The following RUNX2 variants were observed in gnomAD, a reference collection of about 807,000 sequenced individuals.
RUNX2 encodes the protein runt-related transcription factor 2.
In RUNX2, 10 loss-of-function variants were observed where a neutral mutation model predicts 51.7. The observed-to-expected ratio is 0.19, with a 90% CI of 0.12 to 0.33. The LOEUF is 0.33. Among genes scored for constraint, RUNX2 ranks in the 10% least tolerant of loss-of-function variants. RUNX2 has a pLI of 1.00. For missense variants in RUNX2, 562 were observed against 691.3 expected (o/e 0.81, Z 2.10); for synonymous variants, 276 against 273.6 (o/e 1.01, Z -0.09).
rs1802429642 is a variant in RUNX2 at position 45,547,214 on chromosome 6, A to G, written c.1475A>G (p.Asp492Gly). The G allele has an allele frequency of 4.3e-6, 7 of 1,614,174 alleles. No homozygotes were observed. Among genetic ancestry groups the G allele is most frequent in the Non-Finnish European group, 5.9e-6 (7 of 1,180,022 alleles). Residue 492 changes from aspartate to glycine, a missense_variant, in exon 9 of 9, where the codon GAT (aspartate) becomes GGT (glycine). By Grantham distance (94) the Asp-to-Gly change is moderately conservative (BLOSUM62 -1). This residue lies in a region of RUNX2 where 304 missense variants were observed against 353.2 expected (regional missense o/e 0.86). Transcript: ENST00000647337. ...LLNPNLPNQN[D>G]GVDADGSHSS... is the part of the protein sequence containing the mutation. Reference sequence around the variant, plus strand: ...AATCCAAATTTGCCTAACCAGAATGATGGTGTTGACGCTGATGGAAGCCAC... The same window carrying G: ...AATCCAAATTTGCCTAACCAGAATGGTGGTGTTGACGCTGATGGAAGCCAC...
intron 2 of RUNX2, among the ~76,000 whole-genome samples, chr6:45,346,872 A>T (rs1392994586): frequency 1.3e-5 from 2 of 152,174 alleles, no homozygotes; most frequent in Non-Finnish European, 2.9e-5. Context: ...GCCTCAATAA[A>T]CATTTCTTAA....
intron 2 of RUNX2, among the ~76,000 whole-genome samples, chr6:45,402,791 G>T (rs1797741649): frequency 1.3e-5 from 2 of 152,114 alleles, no homozygotes; most frequent in African/African-American, 4.8e-5. Flanking sequence ...AGGATTGTTT[G>T]AACCTGAGAA....
intron 6 of RUNX2, among the ~76,000 whole-genome samples, chr6:45,508,668 G>A (rs540529309): frequency 6.6e-6 from 1 of 152,246 alleles, no homozygotes; most frequent in South Asian, 2.1e-4. Flanking sequence ...ACTTGTTTAG[G>A]GATCTTGAGA....
chr6:45,417,503 C>T (rs796597394), intron 2 of RUNX2, among the ~76,000 whole-genome samples: 6 of 152,318 alleles, frequency 3.9e-5, no homozygotes, highest in Non-Finnish European at 5.9e-5. Flanking sequence ...TTAAATGTTA[C>T]GTTGTTCACT....
intron 2 of RUNX2, among the ~76,000 whole-genome samples, chr6:45,376,581 A>AGCCT (rs1796806751): frequency 6.6e-6 from 1 of 152,246 alleles, no homozygotes; most frequent in Non-Finnish European, 1.5e-5. Context: ...TGCTAGTGAA[A>AGCCT]AGTGCAGCCC....
chr6:45,546,141 C>CA lies in RUNX2; in HGVS notation c.1088-684dup, dbSNP rs1802392326. ...TTGAAATCAATGATTCCTAAGGTAC[C>CA]AAGCCCCCTTGTGCCTCCTAACTCC... is the stretch of plus-strand genomic sequence containing the variant. On this transcript the variant is annotated intron_variant, in intron 8 of 8. Coordinates refer to ENST00000647337, the MANE Select transcript of RUNX2 (RefSeq NM_001024630.4). Among the ~76,000 whole-genome samples, 3 of 152,062 alleles carry CA rather than the reference C, an allele frequency of 2.0e-5. No homozygotes were observed. The South Asian group carries it at 6.2e-4, about 32-fold the overall frequency.
At chr6:45,405,955 A>G (rs1797825332) in intron 2 of RUNX2, among the ~76,000 whole-genome samples, 1 of 152,186 alleles carries the variant, frequency 6.6e-6, no homozygotes, top group Non-Finnish European at 1.5e-5. Flanking sequence ...TAGGGATATT[A>G]TATTACCTAT....
intron 2 of RUNX2, among the ~76,000 whole-genome samples, chr6:45,374,586 G>A (rs951628630): frequency 2.6e-5 from 4 of 152,182 alleles, no homozygotes; most frequent in African/African-American, 9.7e-5. Context: ...TAAGTAAACT[G>A]TAAGCAAAAC....
At chr6:45,505,570 G>A (rs1427663615) in intron 6 of RUNX2, among the ~76,000 whole-genome samples, 1 of 151,948 alleles carries the variant, frequency 6.6e-6, no homozygotes, top group Non-Finnish European at 1.5e-5. Flanking sequence ...CAGAAGCTGT[G>A]GTCCTGCTCA....
At chr6:45,334,629 C>T (rs936383383) in intron 2 of RUNX2, among the ~76,000 whole-genome samples, 12 of 151,002 alleles carry the variant, frequency 7.9e-5, no homozygotes, top group African/African-American at 2.9e-4. Flanking sequence ...AAATACGTGT[C>T]ATATATGTTC....
At chr6:45,408,626 G>C (rs545052665) in intron 2 of RUNX2, among the ~76,000 whole-genome samples, 2 of 152,078 alleles carry the variant, frequency 1.3e-5, no homozygotes, top group African/African-American at 4.8e-5. Context: ...GAGAGGAATG[G>C]TGTAGGTTAA....
chr6:45,353,863 T>C (rs964409193), intron 2 of RUNX2, among the ~76,000 whole-genome samples: 1 of 147,950 alleles, frequency 6.8e-6, no homozygotes, highest in Non-Finnish European at 1.5e-5. Flanking sequence ...AAATGCCAAA[T>C]ATAATCAACC....
chr6:45,397,567 G>T (rs1393544560), intron 2 of RUNX2, among the ~76,000 whole-genome samples: 1 of 152,134 alleles, frequency 6.6e-6, no homozygotes, highest in African/African-American at 2.4e-5. Context: ...ATCCCAGTGG[G>T]TGTGAAATCG....
intron 2 of RUNX2, among the ~76,000 whole-genome samples, chr6:45,367,229 C>G (rs1268484701): frequency 5.3e-5 from 8 of 152,064 alleles, no homozygotes; most frequent in Admixed American, 2.0e-4. Flanking sequence ...CAGGCCAAAA[C>G]CACTATACCA....
intron 7 of RUNX2, among the ~76,000 whole-genome samples, chr6:45,538,228 T>C (rs913018166): frequency 6.6e-6 from 1 of 152,226 alleles, no homozygotes. Context: ...CTGGCTTTTT[T>C]GAAAGATTTA....
intron 3 of RUNX2, among the ~76,000 whole-genome samples, chr6:45,423,533 C>T (rs1486228625): frequency 2.0e-5 from 3 of 152,314 alleles, no homozygotes; most frequent in African/African-American, 7.2e-5. Context: ...CAGAGTTCAG[C>T]GGTCCTGGTC....
At chr6:45,388,515 A>G (rs11755263) in intron 2 of RUNX2, among the ~76,000 whole-genome samples, 164 of 152,336 alleles carry the variant, frequency 1.1e-3, no homozygotes, top group Non-Finnish European at 2.0e-3. Context: ...GGCGGAGTTC[A>G]GCAATCTAAC....
At chr6:45,456,520 TTTTTTCC>T (rs1240303122) in intron 5 of RUNX2, among the ~76,000 whole-genome samples, 1 of 152,200 alleles carries the variant, frequency 6.6e-6, no homozygotes, top group Admixed American at 6.5e-5. Flanking sequence ...TTCTTGTCTC[TTTTTTCC>T]TTTTATCTCT....
intron 7 of RUNX2, among the ~76,000 whole-genome samples, chr6:45,538,871 C>T (rs1423375597): frequency 2.6e-5 from 4 of 152,110 alleles, no homozygotes; most frequent in Non-Finnish European, 4.4e-5. Context: ...ATGACTGCCA[C>T]GGCACCGTGG....
Sources: gnomAD v4.1 joint callset for allele counts (sites outside exome capture counted in the v4.1 genomes callset) on GRCh38, gnomAD v4.1.1 for gene constraint, gnomAD v4.1.1 regional missense constraint, MANE v1.5 for transcripts, NCBI Gene and HGNC (gene_info 2026-07-23, HGNC 2026-07-21) for gene names.